The following ENTREP2 variants were observed in gnomAD, a reference collection of about 807,000 sequenced individuals.
ENTREP2 encodes the protein endosomal transmembrane epsin interactor 2, also known as protein ENTREP2.
At chr15:29,627,382 A>T in the ENTREP2 span, among the ~76,000 whole-genome samples, 1 of 151,994 alleles carries the variant, frequency 6.6e-6, no homozygotes, top group Non-Finnish European at 1.5e-5. Context: ...GTCTCTACTA[A>T]AAATACAAAA....
the ENTREP2 span, among the ~76,000 whole-genome samples, chr15:29,325,176 C>T: frequency 4.6e-5 from 7 of 152,046 alleles, no homozygotes; most frequent in African/African-American, 1.7e-4. Flanking sequence ...TTGTGTATAG[C>T]AAAAGCCATA....
the ENTREP2 span, among the ~76,000 whole-genome samples, chr15:29,542,072 G>A: frequency 3.9e-5 from 6 of 152,288 alleles, no homozygotes; most frequent in South Asian, 6.2e-4. Context: ...GCAGTGGTGC[G>A]ATCTCGGTTC....
the ENTREP2 span, among the ~76,000 whole-genome samples, chr15:29,659,330 G>C: frequency 3.9e-5 from 6 of 152,130 alleles, no homozygotes; most frequent in African/African-American, 9.7e-5. Flanking sequence ...AATTAGCCAG[G>C]TGTGGTGGCA....
the ENTREP2 span, among the ~76,000 whole-genome samples, chr15:29,381,590 C>A: frequency 6.6e-6 from 1 of 152,162 alleles, no homozygotes; most frequent in South Asian, 2.1e-4. Context: ...CTCAGAAGCA[C>A]CTCCCATGAG....
the ENTREP2 span, among the ~76,000 whole-genome samples, chr15:29,262,346 G>A: frequency 2.6e-5 from 4 of 152,292 alleles, no homozygotes; most frequent in East Asian, 7.7e-4. Flanking sequence ...CCTCATTTCA[G>A]AAAAGAGTCC....
At chr15:29,657,472 G>C in the ENTREP2 span, among the ~76,000 whole-genome samples, 29 of 92,392 alleles carry the variant, frequency 3.1e-4, 1 homozygote, top group East Asian at 5.7e-3. Flanking sequence ...TGCCGCTGTC[G>C]GCTGGGGGGG....
At chr15:29,454,622 C>T in the ENTREP2 span, among the ~76,000 whole-genome samples, 1 of 152,168 alleles carries the variant, frequency 6.6e-6, no homozygotes, top group African/African-American at 2.4e-5. Flanking sequence ...AGAGATGGCC[C>T]CAATGCCCCC....
the ENTREP2 span, among the ~76,000 whole-genome samples, chr15:29,529,506 G>A: frequency 6.6e-6 from 1 of 152,010 alleles, no homozygotes; most frequent in South Asian, 2.1e-4. Flanking sequence ...TGGCCTAGAA[G>A]GTGAGAGCCA....
the ENTREP2 span, among the ~76,000 whole-genome samples, chr15:29,355,152 TC>T: frequency 6.6e-6 from 1 of 152,142 alleles, no homozygotes; most frequent in Admixed American, 6.5e-5. Flanking sequence ...AGCCACTCCC[TC>T]CCTGTGCTGT....
At chr15:29,153,583 A>G in the ENTREP2 span, among the ~76,000 whole-genome samples, 1 of 152,242 alleles carries the variant, frequency 6.6e-6, no homozygotes, top group African/African-American at 2.4e-5. Flanking sequence ...CATATTGGGA[A>G]TTAGAATTTC....
At chr15:29,123,262 TTGTCAGGCATGA>T in the ENTREP2 span, 15 of 1,408,004 alleles carry the variant, frequency 1.1e-5, no homozygotes, top group East Asian at 3.8e-4. Context: ...GAAGGCCTCT[TTGTCAGGCATGA>T]TGGCTTCTGC....
the ENTREP2 span, among the ~76,000 whole-genome samples, chr15:29,517,173 T>C: frequency 6.6e-6 from 1 of 152,012 alleles, no homozygotes; most frequent in Non-Finnish European, 1.5e-5. Flanking sequence ...GGAGAGCAAA[T>C]GCTATCAACC....
At chr15:29,624,908 T>TGC in the ENTREP2 span, among the ~76,000 whole-genome samples, 1 of 150,482 alleles carries the variant, frequency 6.6e-6, no homozygotes, top group Non-Finnish European at 1.5e-5. Context: ...TGTGTGTGTG[T>TGC]ATAGTTTTAT....
the ENTREP2 span, among the ~76,000 whole-genome samples, chr15:29,321,501 T>C: frequency 2.6e-5 from 4 of 151,406 alleles, no homozygotes; most frequent in Non-Finnish European, 4.4e-5. Context: ...ACAAAAAAAT[T>C]AGCTGGGCAT....
the ENTREP2 span, chr15:29,267,819 C>T: frequency 1.3e-5 from 2 of 152,162 alleles, no homozygotes; most frequent in East Asian, 3.8e-4. Flanking sequence ...ACATCACGGA[C>T]TAAAACCATT....
At chr15:29,600,477 C>T in the ENTREP2 span, among the ~76,000 whole-genome samples, 1 of 149,528 alleles carries the variant, frequency 6.7e-6, no homozygotes, top group Non-Finnish European at 1.5e-5. Context: ...CATCAATCAT[C>T]ATCATCGTCA....
At chr15:29,588,624 AGAAG>A in the ENTREP2 span, among the ~76,000 whole-genome samples, 5 of 151,980 alleles carry the variant, frequency 3.3e-5, no homozygotes, top group East Asian at 1.9e-4. Context: ...ACAGAAAGAC[AGAAG>A]GAAGGAAGGA....
chr15:29,528,998 C>T, the ENTREP2 span, among the ~76,000 whole-genome samples: 1 of 151,504 alleles, frequency 6.6e-6, no homozygotes, highest in Non-Finnish European at 1.5e-5. Flanking sequence ...TGTGATTGTA[C>T]TTGAAACTTC....
chr15:29,222,384 C>T, the ENTREP2 span, among the ~76,000 whole-genome samples: 2 of 152,176 alleles, frequency 1.3e-5, no homozygotes, highest in Admixed American at 6.5e-5. Context: ...ACCAGCATCC[C>T]TTAGGGCTGC....
Sources: gnomAD v4.1 joint callset for allele counts (sites outside exome capture counted in the v4.1 genomes callset) on GRCh38, gnomAD v4.1.1 for gene constraint, MANE v1.5 for transcripts, NCBI Gene and HGNC (gene_info 2026-07-23, HGNC 2026-07-21) for gene names.